The following EXT2 variants were observed in gnomAD, a reference collection of about 807,000 sequenced individuals.
The protein encoded by EXT2 is exostosin glycosyltransferase 2.
Under a neutral mutation model 81.6 loss-of-function variants are expected in EXT2, and 53 were observed. That is an observed-to-expected ratio of 0.65 (90% CI 0.52 to 0.82). EXT2 has a LOEUF of 0.82. Ranked by LOEUF, EXT2 falls within the 40% of genes least tolerant of loss-of-function variation. The pLI is 0.00. For missense variants in EXT2, 774 were observed against 910.2 expected, an observed-to-expected ratio of 0.85 and a Z score of 1.93; for synonymous variants, 320 against 340.0, an observed-to-expected ratio of 0.94 and a Z score of 0.65.
intron 10 of EXT2, among the ~76,000 whole-genome samples, chr11:44,226,491 A>G (rs528961955): frequency 5.1e-4 from 77 of 152,352 alleles, no homozygotes; most frequent in African/African-American, 1.7e-3. Context: ...CTCAAAGCAC[A>G]TCCTTGACAA....
At chr11:44,137,714 TG>T (rs1420789988) in intron 7 of EXT2, among the ~76,000 whole-genome samples, 2 of 152,204 alleles carry the variant, frequency 1.3e-5, no homozygotes, top group African/African-American at 4.8e-5. Flanking sequence ...CAGTTTTAAT[TG>T]GTTTGGTGAC....
chr11:44,137,841 T>G (rs1339648160), intron 7 of EXT2, among the ~76,000 whole-genome samples: 1 of 152,226 alleles, frequency 6.6e-6, no homozygotes, highest in Non-Finnish European at 1.5e-5. Context: ...GTTCCTAGTA[T>G]TGTACTGGCA....
At chr11:44,239,900 C>T (rs912530149) in intron 13 of EXT2, among the ~76,000 whole-genome samples, 7 of 152,050 alleles carry the variant, frequency 4.6e-5, no homozygotes, top group Non-Finnish European at 7.3e-5. Flanking sequence ...CCAATCTTCA[C>T]GCATGCGCAA....
intron 7 of EXT2, among the ~76,000 whole-genome samples, chr11:44,168,473 C>CA (rs2135121022): frequency 6.6e-6 from 1 of 152,236 alleles, no homozygotes; most frequent in South Asian, 2.1e-4. Context: ...TGGAAAGCAT[C>CA]AAACCACAAA....
intron 10 of EXT2, among the ~76,000 whole-genome samples, chr11:44,225,021 C>G (rs1223856959): frequency 6.6e-6 from 1 of 152,100 alleles, no homozygotes; most frequent in Non-Finnish European, 1.5e-5. Flanking sequence ...TGAGATTAGA[C>G]TTAGAAATAG....
chr11:44,223,259 C>A (rs1955801337), intron 10 of EXT2, among the ~76,000 whole-genome samples: 1 of 152,184 alleles, frequency 6.6e-6, no homozygotes, highest in South Asian at 2.1e-4. Flanking sequence ...TACCATAGGA[C>A]TCAGCAATTA....
chr11:44,189,745 A>T (rs1204147115), intron 8 of EXT2, among the ~76,000 whole-genome samples: 2 of 152,230 alleles, frequency 1.3e-5, no homozygotes, highest in African/African-American at 4.8e-5. Context: ...ACAAATCCAA[A>T]CCATATCAGT....
chr11:44,127,334 G>A (rs1388089212), intron 6 of EXT2, among the ~76,000 whole-genome samples: 5 of 152,312 alleles, frequency 3.3e-5, no homozygotes, highest in African/African-American at 1.2e-4. Flanking sequence ...TGGCCTGTTT[G>A]GAGCCGGGCT....
In EXT2 at chr11:44,212,259, C is replaced by T. The variant is rs531952323; in HGVS notation, c.1662+5300C>T. Among the ~76,000 whole-genome samples, 7 of 150,392 alleles carry T rather than the reference C, an allele frequency of 4.7e-5. No individual in the cohort carries two copies. In the South Asian group the frequency reaches 6.3e-4, roughly 14 times the overall value. On this transcript the variant is annotated intron_variant, in intron 10 of 13. Transcript: ENST00000533608. The stretch of plus-strand genomic sequence containing the variant: ...AAGATCGCACCATTGCACTACAGCC[C>T]GGGCGACAGTGAGAGACTCCGTCTT...
At chr11:44,224,237 C>T (rs1243952434) in intron 10 of EXT2, among the ~76,000 whole-genome samples, 2 of 152,132 alleles carry the variant, frequency 1.3e-5, no homozygotes, top group Non-Finnish European at 2.9e-5. Context: ...ACACTCAAAT[C>T]TCTCCGTCCC....
At chr11:44,196,042 TTAA>T (rs1955451740) in intron 8 of EXT2, among the ~76,000 whole-genome samples, 1 of 152,200 alleles carries the variant, frequency 6.6e-6, no homozygotes, top group Non-Finnish European at 1.5e-5. Context: ...TTAAATAATC[TTAA>T]TTATTATCAG....
chr11:44,104,639 A>G (rs1453535154), intron 1 of EXT2: 1 of 152,226 alleles, frequency 6.6e-6, no homozygotes, highest in Non-Finnish European at 1.5e-5. Flanking sequence ...CACTGATTCA[A>G]GTATACACAT....
rs769914517 is a variant in EXT2, at chr11:44,097,758, C to CAAAAAAA, written c.-31+1912_-31+1913insAAAAAAA. On this transcript the variant is annotated intron_variant, in intron 1 of 13. Transcript: ENST00000533608. The stretch of plus-strand genomic sequence containing the variant: ...TGAGTGACAGAGCAAGACTCCATCT[C>CAAAAAAA]AAAAAATAAATAAATAAATAAATAA... Among the ~76,000 whole-genome samples the CAAAAAAA allele has an allele frequency of 5.7e-5, 3 of 52,242 alleles. No individual in the cohort carries two copies. The East Asian group carries it at 2.3e-3, about 39-fold the overall frequency. 34.3% of individuals were successfully genotyped at this position (52,242 alleles called of 152,430 possible).
chr11:44,184,258 C>A (rs1955276943), intron 8 of EXT2, among the ~76,000 whole-genome samples: 1 of 152,104 alleles, frequency 6.6e-6, no homozygotes, highest in Non-Finnish European at 1.5e-5. Flanking sequence ...ACATGCTGTT[C>A]CAGGGAATTT....
chr11:44,237,471 A>G (rs1008095353), intron 13 of EXT2, among the ~76,000 whole-genome samples: 2 of 152,122 alleles, frequency 1.3e-5, no homozygotes, highest in South Asian at 2.1e-4. Flanking sequence ...TAAGTATTTC[A>G]CAGTTAAGGG....
At chr11:44,234,078 A>C in intron 11 of EXT2, 37 bp from the exon 12 acceptor site, 1 of 1,613,702 alleles carries the variant, frequency 6.2e-7, no homozygotes, top group Non-Finnish European at 8.5e-7. Context: ...GGGAACTGCT[A>C]TTTTTGAATA....
chr11:44,148,120 T>G (rs1036049863), intron 7 of EXT2, among the ~76,000 whole-genome samples: 2 of 152,222 alleles, frequency 1.3e-5, no homozygotes, highest in African/African-American at 4.8e-5. Context: ...CTGTTTGTTT[T>G]TATATTCTCT....
At chr11:44,107,322 C>T (rs979047585) in intron 1 of EXT2, among the ~76,000 whole-genome samples, 2 of 152,074 alleles carry the variant, frequency 1.3e-5, no homozygotes, top group Non-Finnish European at 2.9e-5. Context: ...AGGCTGGGCG[C>T]GGTGGCTTAT....
At chr11:44,148,725 G>T (rs1046093486) in intron 7 of EXT2, among the ~76,000 whole-genome samples, 3 of 152,186 alleles carry the variant, frequency 2.0e-5, no homozygotes, top group Admixed American at 6.5e-5. Context: ...AGTTCTGAGT[G>T]CTATAGATGC....
Sources: allele counts gnomAD v4.1 joint callset (sites outside exome capture counted in the v4.1 genomes callset), GRCh38; gene constraint gnomAD v4.1.1; transcripts MANE v1.5; gene names NCBI Gene and HGNC (gene_info 2026-07-23, HGNC 2026-07-21).